The following CAST variants were observed in gnomAD, a reference collection of about 807,000 sequenced individuals.
The protein encoded by CAST is MIR583 host.
Under a neutral mutation model 119.6 loss-of-function variants are expected in CAST, and 76 were observed. That is an observed-to-expected ratio of 0.64 (90% CI 0.53 to 0.77). The LOEUF is 0.77. CAST is among the 30% of genes least tolerant of loss of function. The pLI is 0.00. For missense variants in CAST, 953 were observed against 946.5 expected (o/e 1.01, Z -0.09); for synonymous variants, 319 against 331.6 (o/e 0.96, Z 0.41).
chr5:96,079,039 A>G, the CAST span: 6 of 433,708 alleles, frequency 1.4e-5, no homozygotes, highest in Non-Finnish European at 2.8e-5. Context: ...ACCCCATGAT[A>G]CAAGTTTACC....
intron 1 of CAST, among the ~76,000 whole-genome samples, chr5:96,556,265 CAG>C (rs1746237736): frequency 6.6e-6 from 1 of 152,182 alleles, no homozygotes; most frequent in Non-Finnish European, 1.5e-5. Flanking sequence ...GGGGAAAAAA[CAG>C]AGCAGAAAAA....
intron 1 of CAST, among the ~76,000 whole-genome samples, chr5:96,592,377 G>A (rs1180800228): frequency 1.3e-5 from 2 of 152,120 alleles, no homozygotes; most frequent in African/African-American, 4.8e-5. Context: ...CTCCAACCTA[G>A]GTGACAGAGC....
intron 1 of CAST, among the ~76,000 whole-genome samples, chr5:96,649,976 C>A (rs1580858308): frequency 1.3e-5 from 2 of 152,162 alleles, no homozygotes; most frequent in East Asian, 3.8e-4. Flanking sequence ...CTCACATAAT[C>A]CTTATAGCAA....
chr5:96,034,462 TACACACACACACACACACACAC>T, the CAST span, among the ~76,000 whole-genome samples: 1 of 101,816 alleles, frequency 9.8e-6, no homozygotes, highest in Non-Finnish European at 2.0e-5. Flanking sequence ...GTATATATCA[TACACACACACACACACACACAC>T]ACACACACAC....
At chr5:95,976,860 T>C in the CAST span, among the ~76,000 whole-genome samples, 1 of 152,190 alleles carries the variant, frequency 6.6e-6, no homozygotes, top group Non-Finnish European at 1.5e-5. Context: ...GGCAGATGTT[T>C]TTTCTCGTTC....
chr5:96,613,933 A>G (rs1463429776), intron 1 of CAST, among the ~76,000 whole-genome samples: 1 of 152,202 alleles, frequency 6.6e-6, no homozygotes, highest in Non-Finnish European at 1.5e-5. Flanking sequence ...TGGGTGCCTT[A>G]TACTGTTTTT....
chr5:96,698,676 T>C (rs958934842), intron 3 of CAST, among the ~76,000 whole-genome samples: 2 of 152,332 alleles, frequency 1.3e-5, no homozygotes, highest in Admixed American at 1.3e-4. Context: ...GGTAATAGCA[T>C]AACTTGAAGC....
intron 1 of CAST, among the ~76,000 whole-genome samples, chr5:96,631,690 G>A (rs995356431): frequency 4.0e-5 from 6 of 150,494 alleles, no homozygotes; most frequent in Admixed American, 2.7e-4. Flanking sequence ...CCGCCACCAC[G>A]CCCGGATAAT....
chr5:96,135,237 A>T, the CAST span, among the ~76,000 whole-genome samples: 57 of 152,314 alleles, frequency 3.7e-4, no homozygotes, highest in East Asian at 9.4e-3. Context: ...CTGTGAAAGG[A>T]TGGAGTATAC....
the CAST span, chr5:95,970,353 A>G: frequency 6.6e-6 from 1 of 152,252 alleles, no homozygotes; most frequent in African/African-American, 2.4e-5. Context: ...AGAGAGATGA[A>G]TGATCAGAGG....
upstream of CAST, among the ~76,000 whole-genome samples, chr5:96,659,740 G>A (rs1452396491): frequency 6.6e-6 from 1 of 152,066 alleles, no homozygotes; most frequent in Non-Finnish European, 1.5e-5. Context: ...GTGTTGCCCA[G>A]GCTGGTCTCG....
At chr5:96,514,274 A>C in the CAST span, among the ~76,000 whole-genome samples, 1 of 152,166 alleles carries the variant, frequency 6.6e-6, no homozygotes, top group African/African-American at 2.4e-5. Context: ...TAGGACAAAC[A>C]AATTAAGTAC....
rs555315045 is a variant in CAST, at chr5:96,680,341, C to CGA, written c.138+4743_138+4744dup. 1.5e-3 allele frequency among the ~76,000 whole-genome samples: 134 copies of CGA among 89,764 alleles called. 1 individual carries two copies. The highest frequency in any genetic ancestry group is 7.2e-3 in the African/African-American group (129 of 17,934). 58.9% of individuals were successfully genotyped at this position (89,764 alleles called of 152,430 possible). On this transcript the variant is annotated intron_variant, in intron 2 of 31. Coordinates refer to ENST00000675179, the MANE Select transcript of CAST (RefSeq NM_001750.7). ...CTGCACTCCAGCCTGGGCAACAGAA[C>CGA]GAGACTCTGTCTCAAAAAAAAAAAA... is the stretch of plus-strand genomic sequence containing the variant.
At chr5:96,499,584 T>C in the CAST span, among the ~76,000 whole-genome samples, 1 of 152,222 alleles carries the variant, frequency 6.6e-6, no homozygotes, top group African/African-American at 2.4e-5. Context: ...GCTGTGGCAA[T>C]TTTTAAAAAT....
the CAST span, among the ~76,000 whole-genome samples, chr5:96,422,477 C>A: frequency 6.6e-6 from 1 of 152,166 alleles, no homozygotes; most frequent in African/African-American, 2.4e-5. Flanking sequence ...GCTTGAAATT[C>A]AAGACAAGCT....
the CAST span, among the ~76,000 whole-genome samples, chr5:96,201,237 CTATT>C: frequency 6.6e-6 from 1 of 152,054 alleles, no homozygotes; most frequent in Non-Finnish European, 1.5e-5. Flanking sequence ...CACTCAACAA[CTATT>C]TATTTAGCAA....
the CAST span, among the ~76,000 whole-genome samples, chr5:96,483,533 T>C: frequency 6.6e-6 from 1 of 152,232 alleles, no homozygotes; most frequent in Admixed American, 6.6e-5. Flanking sequence ...ATAATAATGA[T>C]TAATAAGGAT....
At chr5:96,632,615 G>A (rs1747835665) in intron 1 of CAST, among the ~76,000 whole-genome samples, 1 of 151,336 alleles carries the variant, frequency 6.6e-6, no homozygotes, top group African/African-American at 2.4e-5. Flanking sequence ...TATATACAGG[G>A]TGAGAACAGA....
chr5:96,758,991 T>G (rs889449626), intron 24 of CAST, among the ~76,000 whole-genome samples: 8 of 152,106 alleles, frequency 5.3e-5, no homozygotes, highest in Non-Finnish European at 1.0e-4. Context: ...TTGTTAGGGT[T>G]GTTTTTTCTT....
Sources: gnomAD v4.1 joint callset for allele counts (sites outside exome capture counted in the v4.1 genomes callset) on GRCh38, gnomAD v4.1.1 for gene constraint, MANE v1.5 for transcripts, NCBI Gene and HGNC (gene_info 2026-07-23, HGNC 2026-07-21) for gene names.